The following LMNB2 variants were observed in gnomAD, a reference collection of about 807,000 sequenced individuals.
LMNB2 encodes lamin B2.
In LMNB2, 17 loss-of-function variants were observed where a neutral mutation model predicts 69.3. The observed-to-expected ratio is 0.25, with a 90% confidence interval of 0.17 to 0.37. The LOEUF (loss-of-function observed/expected upper bound fraction) is 0.37. LMNB2 is among the 10% of genes least tolerant of loss of function. The pLI is 1.00. For synonymous variants in LMNB2, 397 were observed against 389.3 expected, an observed-to-expected ratio of 1.02 and a Z score of -0.23; for missense variants, 789 against 883.6, an observed-to-expected ratio of 0.89 and a Z score of 1.36.
At chr19:2,452,417 G>C (rs1390884279) in intron 1 of LMNB2, among the ~76,000 whole-genome samples, 1 of 151,140 alleles carries the variant, frequency 6.6e-6, no homozygotes, top group African/African-American at 2.4e-5. Flanking sequence ...CTGGGCGACA[G>C]AGAGAGACTC....
chr19:2,450,121 C>CATATATATATAT (rs944605865), intron 1 of LMNB2, among the ~76,000 whole-genome samples: 1,926 of 142,350 alleles, frequency 0.014, 55 homozygotes, highest in African/African-American at 0.048. Flanking sequence ...TATATATACA[C>CATATATATATAT]ATATATATAT....
rs1371410565 is a variant in LMNB2, at chr19:2,453,338, C to A, written c.264+3332G>T. ...CCTCGTTCAGAGCTCCCTCCCCTGC[C>A]CCCATCCTGCCAGCCTGAGCCTGAG... is the stretch of plus-strand genomic sequence containing the variant. On this transcript the variant is annotated intron_variant, in intron 1 of 11. Transcript: ENST00000325327. This position sits in a 1 kb window ranked among gnomAD's most constrained non-coding sequence, Gnocchi z 4.4. Among the ~76,000 whole-genome samples, 3 of 152,166 alleles carry A rather than the reference C, an allele frequency of 2.0e-5. No individual in the cohort carries two copies. Among genetic ancestry groups the A allele is most frequent in the Admixed American group, 6.5e-5 (1 of 15,294 alleles).
At position 2,429,742 on chromosome 19, in the gene LMNB2, G is replaced by A. The variant is rs1216422609; in HGVS notation, c.*1169C>T. ...CAGCCTGTCCTCAAGGCCCTGGCGT[G>A]AGCTCCTGACCTGTGTACTGACCAA... On this transcript the variant is annotated 3_prime_UTR_variant, in exon 12 of 12. Transcript: ENST00000325327. The A allele has an allele frequency of 6.6e-6, 1 of 152,288 alleles. No individual in the cohort carries two copies. Among genetic ancestry groups the A allele is most frequent in the Non-Finnish European group, 1.5e-5 (1 of 68,086 alleles). 9.4% of individuals were successfully genotyped at this position (152,288 alleles called of 1,614,324 possible).
chr19:2,439,035 CTTTTTTTTTT>C (rs397945879), intron 2 of LMNB2, among the ~76,000 whole-genome samples: 15 of 65,710 alleles, frequency 2.3e-4, no homozygotes, highest in Admixed American at 8.0e-4. Context: ...GGCACTTAAG[CTTTTTTTTTT>C]TTTTTTTTTT....
At chr19:2,442,022 C>A (rs1568205638) in intron 2 of LMNB2, among the ~76,000 whole-genome samples, 1 of 152,206 alleles carries the variant, frequency 6.6e-6, no homozygotes, top group Non-Finnish European at 1.5e-5. Context: ...GGCTCAGACC[C>A]GTTTCCTAAG....
chr19:2,444,354 C>T (rs1181933909), intron 2 of LMNB2, 50 bp downstream of exon 2: 2 of 1,610,480 alleles, frequency 1.2e-6, no homozygotes, highest in East Asian at 4.5e-5. Flanking sequence ...CCCCGTCCAC[C>T]CCGTGGTGCC....
At chr19:2,440,619 ATCCATCCATCC>A (rs1283052748) in intron 2 of LMNB2, among the ~76,000 whole-genome samples, 1 of 139,788 alleles carries the variant, frequency 7.2e-6, no homozygotes, top group East Asian at 2.0e-4. Context: ...TCCACCCATC[ATCCATCCATCC>A]ATCTACTCAT....
chr19:2,453,157 C>A lies in LMNB2; in HGVS notation c.264+3513G>T, dbSNP rs941687421. 3.9e-5 allele frequency among the ~76,000 whole-genome samples: 6 copies of A among 152,100 alleles called. No individual in the cohort carries two copies. Among genetic ancestry groups the A allele is most frequent in the Non-Finnish European group, 7.4e-5 (5 of 67,978 alleles). ...GGCGCTGAGCAGTACCCAGCCTCCA[C>A]CCACGCTGTGCCGATGCCGTCTCCC... On this transcript the variant is annotated intron_variant, in intron 1 of 11. Coordinates refer to ENST00000325327, the MANE Select transcript of LMNB2 (RefSeq NM_032737.4). This position sits in a 1 kb window ranked among gnomAD's most constrained non-coding sequence, Gnocchi z 4.4.
At chr19:2,432,058 A>G (rs1335050196) in intron 9 of LMNB2, among the ~76,000 whole-genome samples, 156 bp from the exon 10 acceptor site, 5 of 151,926 alleles carry the variant, frequency 3.3e-5, no homozygotes. Flanking sequence ...TCCCCAGGAT[A>G]CACAAGAAGA....
chr19:2,431,568 C>G lies in LMNB2; in HGVS notation c.1801G>C (p.Glu601Gln). The change falls in exon 11 of 12, where the codon GAG (glutamate) becomes CAG (glutamine). Residue 601 changes from glutamate (E) to glutamine (Q), a missense_variant. By Grantham distance (29) the Glu-to-Gln change is conservative. This residue lies in a region of LMNB2 where 609 missense variants were observed against 630.9 expected (regional missense o/e 0.97). Coordinates refer to ENST00000325327, the MANE Select transcript of LMNB2 (RefSeq NM_032737.4). ...EEEEEAEFGE[E>Q]DLFHQQGDPR... ...CCTACCTGTTGGTGGAAAAGATCCT[C>G]CTCGCCAAACTCGGCTTCCTCCTCC... 2.5e-6 allele frequency: 4 copies of G among 1,614,154 alleles called. No homozygotes were observed. The highest frequency in any genetic ancestry group is 3.4e-6 in the Non-Finnish European group (4 of 1,179,990).
In LMNB2 at chr19:2,430,956, CAGGAAGGA is replaced by C. The variant is rs542821471; in HGVS notation, c.1822-12_1822-5del. ...TTGAGGTGGTCCTCGGGTCCCCCTG[CAGGAAGGA>C]AGGAAGGAAGGTCGGCCATGATCAG... On this transcript the variant is annotated splice_region_variant and splice_polypyrimidine_tract_variant and intron_variant, in intron 11 of 11. Coordinates refer to ENST00000325327, the MANE Select transcript of LMNB2 (RefSeq NM_032737.4). The C allele has an allele frequency of 6.2e-7, 1 of 1,607,350 alleles. No homozygotes were observed. The highest frequency in any genetic ancestry group is 1.7e-5 in the Admixed American group (1 of 59,996).
At chr19:2,454,616 A>T (rs1972068258) in intron 1 of LMNB2, among the ~76,000 whole-genome samples, 1 of 152,118 alleles carries the variant, frequency 6.6e-6, no homozygotes, top group South Asian at 2.1e-4. Flanking sequence ...CTCTTCTCCC[A>T]GAAGCCCACC....
intron 1 of LMNB2, among the ~76,000 whole-genome samples, chr19:2,450,023 C>A (rs1972001814): frequency 6.6e-6 from 1 of 151,506 alleles, no homozygotes. Context: ...TGTGGTGAGC[C>A]AAGATCACGC....
In LMNB2 at chr19:2,438,541, A is replaced by C; in HGVS notation, c.402-10T>G. ...CTCCCTCTTCTTGGCGCTGAAAGTCAAGAGGGCAAGTGAGTGGGGAGGGGC... is the reference window on the plus strand; with the variant it reads ...CTCCCTCTTCTTGGCGCTGAAAGTCCAGAGGGCAAGTGAGTGGGGAGGGGC... On this transcript the variant is annotated splice_polypyrimidine_tract_variant and intron_variant, in intron 2 of 11. Transcript: ENST00000325327. 1 of 1,606,908 alleles carries C rather than the reference A, an allele frequency of 6.2e-7. No individual in the cohort carries two copies. Among genetic ancestry groups the C allele is most frequent in the South Asian group, 1.1e-5 (1 of 90,792 alleles).
rs1411108048 is a variant in LMNB2 at position 2,431,398 on chromosome 19, G to GT, written c.1821+149dup. On this transcript the variant is annotated intron_variant, in intron 11 of 11. Transcript: ENST00000325327. Reference sequence around the variant, plus strand: ...GCAAGAACAGGTCTCTGCCGTGCTGGTAACAGCCAAGGCTGGCTTCACCCT... The same window carrying GT: ...GCAAGAACAGGTCTCTGCCGTGCTGGTTAACAGCCAAGGCTGGCTTCACCCT... 5.0e-6 allele frequency: 5 copies of GT among 996,374 alleles called. No individual in the cohort carries two copies. In the South Asian group the frequency reaches 6.6e-5, roughly 13 times the overall value. The allele number at this position is 996,374 out of a possible 1,614,324, so 61.7% of individuals were successfully genotyped here. A position where few individuals can be genotyped will look rare whatever the true frequency, so the allele number is the denominator to read the frequency against.
intron 1 of LMNB2, 98 bp downstream of exon 1, chr19:2,456,572 G>A: frequency 2.4e-6 from 3 of 1,228,860 alleles, no homozygotes; most frequent in East Asian, 7.2e-5. Flanking sequence ...GCCCGTCCCC[G>A]TCTGCACCCC....
At chr19:2,448,704 C>T (rs566120649) in intron 1 of LMNB2, among the ~76,000 whole-genome samples, 7 of 152,128 alleles carry the variant, frequency 4.6e-5, no homozygotes, top group African/African-American at 1.2e-4. Context: ...AAAAATTAGC[C>T]GGGCATGGTG....
At chr19:2,448,374 G>A (rs889559526) in intron 1 of LMNB2, among the ~76,000 whole-genome samples, 15 of 152,300 alleles carry the variant, frequency 9.8e-5, no homozygotes, top group East Asian at 7.7e-4. Context: ...AGCTGACTGC[G>A]GCTCACGAGG....
rs918602786 is a variant in LMNB2, at chr19:2,456,883, G to A, written c.51C>T (p.Ala17=). 5.5e-6 allele frequency: 6 copies of A among 1,089,388 alleles called. No homozygotes were observed. The highest frequency in any genetic ancestry group is 5.1e-5 in the African/African-American group (3 of 58,846). 67.5% of individuals were successfully genotyped at this position (1,089,388 alleles called of 1,614,324 possible). A position where few individuals can be genotyped will look rare whatever the true frequency, so the allele number is the denominator to read the frequency against. Residue 17 remains alanine, a synonymous_variant, in exon 1 of 12, where the codon GCC becomes GCT. Coordinates refer to ENST00000325327, the MANE Select transcript of LMNB2 (RefSeq NM_032737.4). ...GRRREQRRPR[A]AATMATPLPG... is the part of the protein sequence containing the mutation. ...GCAGCGGCGTGGCCATGGTGGCGGC[G>A]GCTCGCGGCCTGCGCTGCTCCCGAC...
Sources: allele counts gnomAD v4.1 joint callset (sites outside exome capture counted in the v4.1 genomes callset), GRCh38; gene constraint gnomAD v4.1.1; regional missense constraint gnomAD v4.1.1; non-coding constraint Gnocchi (gnomAD v3.1); transcripts MANE v1.5; gene names NCBI Gene and HGNC (gene_info 2026-07-23, HGNC 2026-07-21).